The following PDE4D variants were observed in gnomAD, a reference collection of about 807,000 sequenced individuals.
The protein encoded by PDE4D is 3',5'-cyclic-AMP phosphodiesterase 4D.
A neutral mutation model predicts 87.4 loss-of-function variants in PDE4D; 24 were observed. The observed-to-expected ratio is 0.27, with a 90% CI of 0.20 to 0.39. The LOEUF (loss-of-function observed/expected upper bound fraction) is 0.39. Ranked by LOEUF, PDE4D falls within the 10% of genes least tolerant of loss-of-function variation. PDE4D has a pLI of 1.00. For synonymous variants in PDE4D, 384 were observed against 383.2 expected, an observed-to-expected ratio of 1.00 and a Z score of -0.02; for missense variants, 714 against 1,041.0, an observed-to-expected ratio of 0.69 and a Z score of 4.32.
intron 1 of PDE4D, among the ~76,000 whole-genome samples, chr5:60,219,081 C>A (rs1457239810): frequency 1.3e-5 from 2 of 152,060 alleles, no homozygotes; most frequent in Non-Finnish European, 2.9e-5. Flanking sequence ...TCTAGCTAAT[C>A]ATTAAAGTAC....
chr5:60,422,323 C>T (rs183759901), intron 1 of PDE4D, among the ~76,000 whole-genome samples: 1 of 152,220 alleles, frequency 6.6e-6, no homozygotes, highest in East Asian at 1.9e-4. Context: ...AAAGGGAAGC[C>T]CATCAGACAA....
intron 1 of PDE4D, among the ~76,000 whole-genome samples, chr5:59,439,354 T>C (rs906101247): frequency 1.7e-5 from 2 of 116,072 alleles, no homozygotes; most frequent in African/African-American, 7.3e-5. Context: ...AGCAAGACTC[T>C]GTCAAAAAAA....
At chr5:59,281,128 T>C (rs1765722543) in intron 1 of PDE4D, among the ~76,000 whole-genome samples, 1 of 152,138 alleles carries the variant, frequency 6.6e-6, no homozygotes, top group African/African-American at 2.4e-5. Flanking sequence ...ATAATATACA[T>C]GTTCATACAC....
At chr5:59,131,597 A>AACACACACACACACAC (rs34161581) in intron 5 of PDE4D, among the ~76,000 whole-genome samples, 18 of 118,094 alleles carry the variant, frequency 1.5e-4, no homozygotes, top group East Asian at 4.6e-4. Context: ...GCCAATTTAA[A>AACACACACACACACAC]ACACACACAC....
chr5:59,015,427 G>GA lies in PDE4D; in HGVS notation c.922-21963dup, dbSNP rs1400747078. Among the ~76,000 whole-genome samples the GA allele has an allele frequency of 5.3e-5, 8 of 152,074 alleles. No homozygotes were observed. In the East Asian group the frequency reaches 5.8e-4, roughly 11 times the overall value. ...ACAAAGAACTTAAACAAATTTACAA[G>GA]AAAAAATCAAACAACCCCATCAAAA... On this transcript the variant is annotated intron_variant, in intron 6 of 14. Coordinates refer to ENST00000340635, the MANE Select transcript of PDE4D (RefSeq NM_001104631.2).
At chr5:60,407,736 A>G (rs1741678752) in intron 1 of PDE4D, among the ~76,000 whole-genome samples, 1 of 151,998 alleles carries the variant, frequency 6.6e-6, no homozygotes, top group Admixed American at 6.5e-5. Flanking sequence ...TACAGGCGTG[A>G]GCCACCACGC....
intron 2 of PDE4D, among the ~76,000 whole-genome samples, chr5:60,017,724 C>T (rs1765661081): frequency 1.3e-5 from 2 of 152,012 alleles, no homozygotes; most frequent in Non-Finnish European, 2.9e-5. Context: ...GATTCCATGC[C>T]TTTGCTATTG....
chr5:59,445,332 A>G (rs1269762868), intron 1 of PDE4D, among the ~76,000 whole-genome samples: 1 of 152,202 alleles, frequency 6.6e-6, no homozygotes, highest in Non-Finnish European at 1.5e-5. Context: ...TATCCAGTTT[A>G]TGCTGGCAAA....
intron 1 of PDE4D, among the ~76,000 whole-genome samples, chr5:59,574,790 C>A (rs1208257242): frequency 6.6e-6 from 1 of 152,136 alleles, no homozygotes; most frequent in Non-Finnish European, 1.5e-5. Context: ...CCAATCCTCA[C>A]CATCTCCATC....
chr5:59,246,606 T>C (rs2153526706), intron 1 of PDE4D, among the ~76,000 whole-genome samples: 1 of 152,278 alleles, frequency 6.6e-6, no homozygotes, highest in Non-Finnish European at 1.5e-5. Context: ...TATGCGATAC[T>C]TTCAACTATG....
At chr5:60,313,788 T>G (rs955929825) in intron 1 of PDE4D, among the ~76,000 whole-genome samples, 1 of 152,190 alleles carries the variant, frequency 6.6e-6, no homozygotes, top group Non-Finnish European at 1.5e-5. Flanking sequence ...TAGTTCAACA[T>G]ACACAAATCA....
At chr5:59,431,932 T>C (rs1436273479) in intron 1 of PDE4D, among the ~76,000 whole-genome samples, 2 of 152,112 alleles carry the variant, frequency 1.3e-5, no homozygotes, top group Non-Finnish European at 2.9e-5. Flanking sequence ...TCCAGTTCCA[T>C]CCATGTCCCT....
intron 1 of PDE4D, among the ~76,000 whole-genome samples, chr5:59,607,633 T>C (rs1364897407): frequency 1.3e-5 from 2 of 151,732 alleles, no homozygotes; most frequent in Non-Finnish European, 2.9e-5. Context: ...GGGAATGAAG[T>C]GAGATGTCAG....
intron 1 of PDE4D, among the ~76,000 whole-genome samples, chr5:59,580,758 T>A (rs911155838): frequency 6.6e-6 from 1 of 152,308 alleles, no homozygotes; most frequent in East Asian, 1.9e-4. Flanking sequence ...ATGAAGTGGG[T>A]AAATATCTGC....
intron 1 of PDE4D, among the ~76,000 whole-genome samples, chr5:59,255,663 T>G (rs374235871): frequency 6.6e-6 from 1 of 152,126 alleles, no homozygotes; most frequent in African/African-American, 2.4e-5. Flanking sequence ...CACTGTCAAG[T>G]GCAAAATACA....
At chr5:60,134,654 C>T (rs1422583967) in intron 2 of PDE4D, among the ~76,000 whole-genome samples, 1 of 152,214 alleles carries the variant, frequency 6.6e-6, no homozygotes, top group Non-Finnish European at 1.5e-5. Context: ...ATAACCCATT[C>T]ACATCCTCTC....
chr5:60,191,032 C>T (rs1785158414), intron 1 of PDE4D, among the ~76,000 whole-genome samples: 1 of 152,150 alleles, frequency 6.6e-6, no homozygotes, highest in Non-Finnish European at 1.5e-5. Context: ...GCCTTAGATT[C>T]ATGCCCTTTA....
At chr5:59,402,698 A>T (rs258111) in intron 1 of PDE4D, among the ~76,000 whole-genome samples, 1 of 151,942 alleles carries the variant, frequency 6.6e-6, no homozygotes, top group Admixed American at 6.6e-5. Context: ...ACTAACCCAC[A>T]CACCCCAAAT....
intron 1 of PDE4D, among the ~76,000 whole-genome samples, chr5:60,375,195 G>A (rs1761339858): frequency 6.6e-6 from 1 of 152,042 alleles, no homozygotes; most frequent in Non-Finnish European, 1.5e-5. Flanking sequence ...ACACATCACA[G>A]CTTTAAATCA....
Sources: gnomAD v4.1 joint callset for allele counts (sites outside exome capture counted in the v4.1 genomes callset) on GRCh38, gnomAD v4.1.1 for gene constraint, MANE v1.5 for transcripts, NCBI Gene and HGNC (gene_info 2026-07-23, HGNC 2026-07-21) for gene names.